Variants in ARHGAP24 observed in about 807,000 individuals in gnomAD.
The protein encoded by ARHGAP24 is Rho GTPase activating protein 24, also known as rho GTPase-activating protein 24.
A neutral mutation model predicts 76.4 loss-of-function variants in ARHGAP24; 50 were observed. The ratio of observed to expected loss-of-function variants is 0.65; its 90% CI spans 0.52 to 0.83. The LOEUF (loss-of-function observed/expected upper bound fraction) is 0.83. ARHGAP24 is among the 40% of genes least tolerant of loss of function. The pLI is 0.00. For missense variants in ARHGAP24, 930 were observed against 914.2 expected (o/e 1.02, Z -0.22); for synonymous variants, 345 against 323.3 (o/e 1.07, Z -0.72).
At chr4:85,837,890 C>T (rs936863044) in intron 3 of ARHGAP24, among the ~76,000 whole-genome samples, 2 of 152,062 alleles carry the variant, frequency 1.3e-5, no homozygotes, top group African/African-American at 4.8e-5. Flanking sequence ...GTTTAGATTC[C>T]TCGATCGGTA....
At chr4:85,842,643 A>G (rs1041913618) in intron 3 of ARHGAP24, among the ~76,000 whole-genome samples, 13 of 152,222 alleles carry the variant, frequency 8.5e-5, no homozygotes, top group Non-Finnish European at 1.8e-4. Context: ...AGGGCACATT[A>G]TACACACGTC....
At chr4:85,736,226 C>A (rs1480342250) in intron 3 of ARHGAP24, among the ~76,000 whole-genome samples, 1 of 152,192 alleles carries the variant, frequency 6.6e-6, no homozygotes, top group Non-Finnish European at 1.5e-5. Flanking sequence ...GTACTTCTTG[C>A]CATTTTTCTT....
intron 2 of ARHGAP24, among the ~76,000 whole-genome samples, chr4:85,660,816 A>AAAAAAAAAAAAAAAC (rs1722355458): frequency 6.7e-6 from 1 of 150,206 alleles, no homozygotes; most frequent in Non-Finnish European, 1.5e-5. Context: ...AAAAAAAAAA[A>AAAAAAAAAAAAAAAC]ATCTGTAGAT....
chr4:85,619,892 A>T (rs1261592536), intron 2 of ARHGAP24, among the ~76,000 whole-genome samples: 1 of 151,740 alleles, frequency 6.6e-6, no homozygotes, highest in Non-Finnish European at 1.5e-5. Flanking sequence ...TTTTTTTTCA[A>T]ATGCCTTATC....
chr4:85,771,841 G>T (rs574083602), intron 3 of ARHGAP24, among the ~76,000 whole-genome samples: 1 of 152,104 alleles, frequency 6.6e-6, no homozygotes, highest in East Asian at 1.9e-4. Flanking sequence ...TCCCAAGTAT[G>T]TGGGACTACG....
At chr4:85,988,723 A>G (rs1159371986) in intron 8 of ARHGAP24, among the ~76,000 whole-genome samples, 2 of 151,682 alleles carry the variant, frequency 1.3e-5, no homozygotes, top group Non-Finnish European at 3.0e-5. Flanking sequence ...CAGTAATTGC[A>G]TTAAATCTTA....
At chr4:85,761,926 G>C (rs1263781843) in intron 3 of ARHGAP24, among the ~76,000 whole-genome samples, 2 of 152,178 alleles carry the variant, frequency 1.3e-5, no homozygotes, top group Non-Finnish European at 2.9e-5. Flanking sequence ...TGAGTCCATA[G>C]TAACCGCTGT....
At chr4:85,897,980 T>A (rs543411740) in intron 3 of ARHGAP24, among the ~76,000 whole-genome samples, 1 of 123,108 alleles carries the variant, frequency 8.1e-6, no homozygotes, top group African/African-American at 3.2e-5. Context: ...TTACCTCTAA[T>A]ACACACATAT....
chr4:85,617,548 A>C (rs995681683), intron 2 of ARHGAP24, among the ~76,000 whole-genome samples: 2 of 152,134 alleles, frequency 1.3e-5, no homozygotes, highest in African/African-American at 2.4e-5. Context: ...AGTTATTGAT[A>C]TAGACATACA....
intron 3 of ARHGAP24, among the ~76,000 whole-genome samples, chr4:85,766,506 A>T (rs1726935924): frequency 6.6e-6 from 1 of 152,102 alleles, no homozygotes; most frequent in Non-Finnish European, 1.5e-5. Context: ...TCTACCCTGG[A>T]GCCATAATCA....
intron 2 of ARHGAP24, among the ~76,000 whole-genome samples, chr4:85,703,390 T>G (rs1242999725): frequency 6.6e-6 from 1 of 152,164 alleles, no homozygotes; most frequent in Non-Finnish European, 1.5e-5. Flanking sequence ...TACGTTGACT[T>G]GGCTGGCAGC....
chr4:85,786,346 C>A (rs1416386803), intron 3 of ARHGAP24, among the ~76,000 whole-genome samples: 5 of 152,176 alleles, frequency 3.3e-5, no homozygotes, highest in Non-Finnish European at 7.4e-5. Context: ...CTTTGGCTGT[C>A]AGCAGGAATA....
intron 2 of ARHGAP24, among the ~76,000 whole-genome samples, chr4:85,670,735 C>G (rs1171156872): frequency 6.6e-6 from 1 of 151,718 alleles, no homozygotes; most frequent in Non-Finnish European, 1.5e-5. Context: ...TGCCTTTAAG[C>G]CACTCCCTGT....
intron 2 of ARHGAP24, among the ~76,000 whole-genome samples, chr4:85,668,702 G>C (rs1359625377): frequency 6.6e-6 from 1 of 152,076 alleles, no homozygotes; most frequent in Admixed American, 6.6e-5. Flanking sequence ...GGAGATAAAG[G>C]GGTATGCAGG....
At chr4:85,651,682 T>G (rs1438187174) in intron 2 of ARHGAP24, among the ~76,000 whole-genome samples, 1 of 150,848 alleles carries the variant, frequency 6.6e-6, no homozygotes, top group Non-Finnish European at 1.5e-5. Context: ...TTTCCTCTTT[T>G]TGTCTAATAA....
chr4:85,765,607 A>T (rs1424751162), intron 3 of ARHGAP24, among the ~76,000 whole-genome samples: 1 of 152,178 alleles, frequency 6.6e-6, no homozygotes, highest in African/African-American at 2.4e-5. Flanking sequence ...ATTAAGAAAG[A>T]ATATAATTAG....
intron 3 of ARHGAP24, among the ~76,000 whole-genome samples, chr4:85,913,516 C>T (rs1266491903): frequency 1.3e-5 from 2 of 151,966 alleles, no homozygotes; most frequent in African/African-American, 2.4e-5. Flanking sequence ...ACAGTATTAC[C>T]TGGGGATCTC....
chr4:85,783,303 A>T (rs1212250294), intron 3 of ARHGAP24, among the ~76,000 whole-genome samples: 1 of 152,104 alleles, frequency 6.6e-6, no homozygotes, highest in Non-Finnish European at 1.5e-5. Flanking sequence ...CTTCCATTCT[A>T]TGGTTATACT....
intron 1 of ARHGAP24, among the ~76,000 whole-genome samples, chr4:85,565,936 T>C (rs2128101): frequency 0.24 from 36,143 of 152,076 alleles, 5,700 homozygotes; most frequent in East Asian, 0.78. Context: ...TACTGTTGTG[T>C]TCTTGGCCCA....
Sources: gnomAD v4.1 joint callset for allele counts (sites outside exome capture counted in the v4.1 genomes callset) on GRCh38, gnomAD v4.1.1 for gene constraint, MANE v1.5 for transcripts, NCBI Gene and HGNC (gene_info 2026-07-23, HGNC 2026-07-21) for gene names.